The following SCAI variants were observed in gnomAD, a reference collection of about 807,000 sequenced individuals.
SCAI encodes the protein suppressor of cancer cell invasion.
A neutral mutation model predicts 92.2 loss-of-function variants in SCAI; 24 were observed. That is an observed-to-expected ratio of 0.26 (90% CI 0.19 to 0.37). The LOEUF is 0.37. SCAI is among the 10% of genes least tolerant of loss of function. The probability of loss-of-function intolerance (pLI) is 1.00; values close to 1 mark genes in which losing one functional copy is unlikely to be tolerated. For synonymous variants in SCAI, 261 were observed against 258.6 expected (o/e 1.01, Z -0.09); for missense variants, 450 against 736.2 (o/e 0.61, Z 4.50).
Position 124,995,022 on chromosome 9 carries a change from AAAC to A in SCAI, c.1245-10_1245-8del, listed in dbSNP as rs1309352827. 6.2e-7 allele frequency: 1 copy of A among 1,602,624 alleles called. No homozygotes were observed. The highest frequency in any genetic ancestry group is 1.1e-5 in the South Asian group (1 of 89,298). ...GAGATCCCCGGGATGAAGGCTGGGAAAACAACAACGAAGAACTGTTAAACTGTG... is the reference window on the plus strand; with the variant it reads ...GAGATCCCCGGGATGAAGGCTGGGAAAACAACGAAGAACTGTTAAACTGTG... On this transcript the variant is annotated splice_region_variant and splice_polypyrimidine_tract_variant and intron_variant, in intron 13 of 17. Transcript: ENST00000336505.
In SCAI at chr9:125,003,585, A is replaced by C. The variant is rs368314903; in HGVS notation, c.862-15T>G. 1.1e-4 allele frequency: 170 copies of C among 1,537,982 alleles called. No homozygotes were observed. The highest frequency in any genetic ancestry group is 8.5e-4 in the African/African-American group (62 of 73,058). ...CTGAACTTAACCTGCAAGAAAAAAA[A>C]AAACAAACACAACCTAGCCTTAATG... is the stretch of plus-strand genomic sequence containing the variant. On this transcript the variant is annotated splice_polypyrimidine_tract_variant and intron_variant, in intron 9 of 17. Transcript: ENST00000336505.
chr9:125,137,408 T>C (rs921174179), intron 2 of SCAI, among the ~76,000 whole-genome samples: 24 of 152,232 alleles, frequency 1.6e-4, no homozygotes, highest in Admixed American at 3.9e-4. Context: ...GTTCTCTACG[T>C]GCCAGATGCT....
intron 9 of SCAI, among the ~76,000 whole-genome samples, chr9:125,012,294 G>A (rs968177494): frequency 3.9e-5 from 6 of 152,100 alleles, no homozygotes; most frequent in African/African-American, 7.2e-5. Flanking sequence ...CCCATCTCAC[G>A]TGCAGAGACA....
chr9:125,038,180 C>A (rs755838213), intron 3 of SCAI, among the ~76,000 whole-genome samples: 2 of 152,028 alleles, frequency 1.3e-5, no homozygotes, highest in Non-Finnish European at 2.9e-5. Flanking sequence ...TCAATTGAGC[C>A]CAGGAGGTCA....
At chr9:124,990,130 C>T (rs529535482) in intron 14 of SCAI, among the ~76,000 whole-genome samples, 17 of 152,040 alleles carry the variant, frequency 1.1e-4, no homozygotes, top group Middle Eastern at 3.4e-3. Context: ...GCCAAGATCA[C>T]GCCATTGCAC....
intron 14 of SCAI, among the ~76,000 whole-genome samples, chr9:124,990,150 G>C (rs567911536): frequency 1.3e-5 from 2 of 152,174 alleles, no homozygotes; most frequent in East Asian, 3.9e-4. Flanking sequence ...CTCCAGCCTG[G>C]GCAACAAGAG....
At chr9:125,141,342 T>C (rs1437053472) in intron 2 of SCAI, among the ~76,000 whole-genome samples, 1 of 152,204 alleles carries the variant, frequency 6.6e-6, no homozygotes, top group Non-Finnish European at 1.5e-5. Context: ...ATTAACATCA[T>C]TAACTTGCCA....
intron 3 of SCAI, among the ~76,000 whole-genome samples, chr9:125,047,148 G>A (rs1833460137): frequency 1.3e-5 from 2 of 152,146 alleles, no homozygotes; most frequent in African/African-American, 2.4e-5. Flanking sequence ...TGTATCTGGA[G>A]ATAGGGCCTT....
chr9:125,009,710 G>T (rs1016632233), intron 9 of SCAI, among the ~76,000 whole-genome samples: 5 of 151,390 alleles, frequency 3.3e-5, no homozygotes. Flanking sequence ...CCAACATGGC[G>T]AAACCCTGTC....
At chr9:125,093,690 C>T (rs1484291054) in intron 2 of SCAI, among the ~76,000 whole-genome samples, 5 of 151,716 alleles carry the variant, frequency 3.3e-5, no homozygotes, top group South Asian at 2.1e-4. Context: ...CTCAGCCTCC[C>T]GAGTAGCTGG....
intron 2 of SCAI, among the ~76,000 whole-genome samples, chr9:125,108,745 T>C (rs1190814545): frequency 7.4e-6 from 1 of 135,640 alleles, no homozygotes; most frequent in Non-Finnish European, 1.6e-5. Context: ...GTGAGGAGCG[T>C]CTCCGCCCGG....
chr9:125,018,166 C>T (rs984959796), intron 9 of SCAI, among the ~76,000 whole-genome samples: 3 of 152,012 alleles, frequency 2.0e-5, no homozygotes, highest in African/African-American at 4.8e-5. Context: ...GTGATCTTGG[C>T]TCACTCCAAC....
chr9:125,013,028 C>T (rs1245018533), intron 9 of SCAI, among the ~76,000 whole-genome samples: 2 of 152,002 alleles, frequency 1.3e-5, no homozygotes, highest in Non-Finnish European at 2.9e-5. Flanking sequence ...ACATTCAAAG[C>T]AGTGTGTAGA....
intron 2 of SCAI, among the ~76,000 whole-genome samples, chr9:125,068,500 A>AAAC (rs202085048): frequency 2.0e-5 from 3 of 151,934 alleles, no homozygotes; most frequent in South Asian, 4.2e-4. Context: ...CCTGTCTGAA[A>AAAC]AACAACAACA....
At chr9:124,971,115 A>C (rs1831649215) in intron 17 of SCAI, 1 of 206,178 alleles carries the variant, frequency 4.9e-6, no homozygotes, top group South Asian at 1.6e-4. Context: ...ACGGCCAGCC[A>C]GAAAATGTTC....
chr9:125,074,830 C>A (rs1834055529), intron 2 of SCAI, among the ~76,000 whole-genome samples: 1 of 151,792 alleles, frequency 6.6e-6, no homozygotes, highest in South Asian at 2.1e-4. Context: ...CATGGCGAAA[C>A]CCCGTTCCTA....
At chr9:125,019,471 G>T (rs1160286250) in intron 7 of SCAI, among the ~76,000 whole-genome samples, 2 of 151,872 alleles carry the variant, frequency 1.3e-5, no homozygotes, top group African/African-American at 4.8e-5. Flanking sequence ...ATTAATGAAA[G>T]AATCAGAAAA....
intron 3 of SCAI, among the ~76,000 whole-genome samples, chr9:125,043,723 C>T (rs866047290): frequency 6.6e-6 from 1 of 152,172 alleles, no homozygotes. Context: ...CAGGTTCAAG[C>T]GATTCTCACG....
At chr9:124,981,485 T>C (rs1023389115) in intron 14 of SCAI, among the ~76,000 whole-genome samples, 1 of 152,204 alleles carries the variant, frequency 6.6e-6, no homozygotes, top group Non-Finnish European at 1.5e-5. Context: ...GAACATACTT[T>C]TAGTGTTTCT....
Sources: gnomAD v4.1 joint callset for allele counts (sites outside exome capture counted in the v4.1 genomes callset) on GRCh38, gnomAD v4.1.1 for gene constraint, MANE v1.5 for transcripts, NCBI Gene and HGNC (gene_info 2026-07-23, HGNC 2026-07-21) for gene names.